Variants in ANAPC11 observed in about 807,000 individuals in gnomAD.
The protein encoded by ANAPC11 is anaphase promoting complex subunit 11.
ANAPC11 carries 5 observed loss-of-function variants against 11.8 expected under a neutral mutation model. The observed-to-expected ratio is 0.42, with a 90% CI of 0.22 to 0.89. The LOEUF is 0.89. ANAPC11 is among the 40% of genes least tolerant of loss of function. The pLI is 0.28. For synonymous variants in ANAPC11, 45 were observed against 41.0 expected (o/e 1.10, Z -0.38); for missense variants, 68 against 112.9 (o/e 0.60, Z 1.80).
chr17:81,899,761 C>T (rs541557820), intron 3 of ANAPC11, 159 bp from the exon 4 acceptor site: 213 of 958,714 alleles, frequency 2.2e-4, no homozygotes, highest in Non-Finnish European at 2.8e-4. Context: ...GTCAGGAGAC[C>T]GATTGGGTAA....
upstream of ANAPC11, chr17:81,891,612 C>T (rs867994383): frequency 1.3e-5 from 18 of 1,368,080 alleles, no homozygotes; most frequent in Middle Eastern, 5.8e-4. Context: ...CACGCCGGCA[C>T]GTCACTTCCG....
chr17:81,899,285 C>T (rs1440485699), intron 3 of ANAPC11: 2 of 1,612,676 alleles, frequency 1.2e-6, no homozygotes, highest in African/African-American at 1.3e-5. Flanking sequence ...TGGGCTGGTG[C>T]CCGCAGCCTG....
At chr17:81,891,467 C>CCGGCCG (rs1394678809), upstream of ANAPC11, 1 of 1,117,384 alleles carries the variant, frequency 8.9e-7, no homozygotes, top group Non-Finnish European at 1.1e-6. Flanking sequence ...GGGAGCCGGC[C>CCGGCCG]CGGCCGCGGC....
chr17:81,900,242 C>A lies in ANAPC11; in HGVS notation c.*177C>A. 1.0e-6 allele frequency: 1 copy of A among 1,004,612 alleles called. No homozygotes were observed. The highest frequency in any genetic ancestry group is 1.4e-6 in the Non-Finnish European group (1 of 699,764). 62.2% of individuals were successfully genotyped at this position (1,004,612 alleles called of 1,614,324 possible). Reference sequence around the variant, plus strand: ...ATCCAATAAGTGAAAACTCATTAAACTACTCAAATCTTGCTGGAGGCCTCT... The same window carrying A: ...ATCCAATAAGTGAAAACTCATTAAAATACTCAAATCTTGCTGGAGGCCTCT... On this transcript the variant is annotated 3_prime_UTR_variant, in exon 4 of 4. Coordinates refer to ENST00000344877, the MANE Select transcript of ANAPC11 (RefSeq NM_001002248.3).
At chr17:81,900,266 C>G (rs1160240534), downstream of ANAPC11, 3 of 755,078 alleles carry the variant, frequency 4.0e-6, no homozygotes, top group Non-Finnish European at 4.1e-6. Context: ...CTGGAGGCCT[C>G]TGGGTGCCTG....
At chr17:81,894,430 C>T in intron 2 of ANAPC11, 37 bp from the exon 3 acceptor site, 1 of 1,313,490 alleles carries the variant, frequency 7.6e-7, no homozygotes, top group Non-Finnish European at 1.1e-6. Context: ...GCTCTGCAGA[C>T]TCAATTTAGC....
upstream of ANAPC11, chr17:81,891,326 G>A: frequency 8.6e-7 from 1 of 1,162,604 alleles, no homozygotes; most frequent in African/African-American, 1.6e-5. Flanking sequence ...CACTCACCCT[G>A]CTGTAGGGCG....
chr17:81,890,969 G>T (rs1030157880), upstream of ANAPC11: 3 of 1,235,040 alleles, frequency 2.4e-6, no homozygotes, highest in Non-Finnish European at 3.3e-6. Flanking sequence ...CGCTGCAGCT[G>T]CCCCAGCCCG....
chr17:81,891,035 C>T (rs931806922), upstream of ANAPC11: 15 of 745,794 alleles, frequency 2.0e-5, no homozygotes, highest in Middle Eastern at 3.9e-4. Flanking sequence ...ACTAACTTCC[C>T]GCCGCCTGTG....
chr17:81,898,766 CAGG>C (rs1748715753), intron 3 of ANAPC11: 1 of 158,668 alleles, frequency 6.3e-6, no homozygotes, highest in Non-Finnish European at 1.4e-5. Context: ...AAAATGCAAT[CAGG>C]AGACCAGCAG....
upstream of ANAPC11, chr17:81,890,999 C>G (rs2039512553): frequency 1.1e-6 from 1 of 936,316 alleles, no homozygotes. Context: ...GGTCCCACCG[C>G]GGCCGCACAA....
chr17:81,899,244 C>T (rs2039851365), intron 3 of ANAPC11: 1 of 1,610,934 alleles, frequency 6.2e-7, no homozygotes, highest in Admixed American at 1.7e-5. Context: ...TGTGTCAGGT[C>T]CTCTCCATGG....
chr17:81,891,575 G>C (rs1287840836), upstream of ANAPC11: 24 of 1,434,194 alleles, frequency 1.7e-5, no homozygotes, highest in Non-Finnish European at 1.9e-5. Flanking sequence ...GCGCGGAATC[G>C]GGCATCGGCT....
At chr17:81,890,946 G>C, upstream of ANAPC11, 2 of 1,427,870 alleles carry the variant, frequency 1.4e-6, no homozygotes, top group Non-Finnish European at 1.9e-6. Flanking sequence ...GGGGCCGCCA[G>C]CGCTCCCTCC....
chr17:81,899,338 A>G (rs747887439), intron 3 of ANAPC11: 13 of 1,613,644 alleles, frequency 8.1e-6, no homozygotes, highest in South Asian at 7.7e-5. Context: ...GTGCCCATCA[A>G]CACAGCTTCC....
intron 1 of ANAPC11, chr17:81,892,047 C>T (rs2039553796): frequency 6.6e-6 from 1 of 151,770 alleles, no homozygotes; most frequent in Admixed American, 6.6e-5. Flanking sequence ...GCGCTCGGCT[C>T]GCGGTGGGGT....
At chr17:81,898,011 G>A (rs970654339) in intron 3 of ANAPC11, 2 of 152,172 alleles carry the variant, frequency 1.3e-5, no homozygotes, top group African/African-American at 4.8e-5. Context: ...TTAATCAAAC[G>A]GGTAGGGTGT....
upstream of ANAPC11, chr17:81,890,977 C>T: frequency 8.7e-7 from 1 of 1,148,080 alleles, no homozygotes; most frequent in Non-Finnish European, 1.2e-6. Context: ...CTGCCCCAGC[C>T]CGAGGCCGCA....
At chr17:81,898,011 G>T (rs970654339) in intron 3 of ANAPC11, 1 of 152,172 alleles carries the variant, frequency 6.6e-6, no homozygotes, top group Non-Finnish European at 1.5e-5. Context: ...TTAATCAAAC[G>T]GGTAGGGTGT....
Sources: gnomAD v4.1 joint callset for allele counts on GRCh38, gnomAD v4.1.1 for gene constraint, MANE v1.5 for transcripts, NCBI Gene and HGNC (gene_info 2026-07-23, HGNC 2026-07-21) for gene names.